Variants in GAB2 observed in about 807,000 individuals in gnomAD.
GAB2 encodes GRB2 associated binding protein 2.
A neutral mutation model predicts 65.5 loss-of-function variants in GAB2; 26 were observed. The ratio of observed to expected loss-of-function variants is 0.40; its 90% CI spans 0.29 to 0.55. The LOEUF is 0.55. Among genes scored for constraint, GAB2 ranks in the 20% least tolerant of loss-of-function variants. The pLI is 0.53. For missense variants in GAB2, 884 were observed against 875.8 expected, an observed-to-expected ratio of 1.01 and a Z score of -0.12; for synonymous variants, 321 against 329.6, an observed-to-expected ratio of 0.97 and a Z score of 0.28.
At chr11:78,323,657 G>C (rs1855767941) in intron 1 of GAB2, among the ~76,000 whole-genome samples, 1 of 151,828 alleles carries the variant, frequency 6.6e-6, no homozygotes, top group Non-Finnish European at 1.5e-5. Context: ...GAGGGAGGAG[G>C]GGGGTAAGGT....
intron 1 of GAB2, among the ~76,000 whole-genome samples, chr11:78,328,083 T>C (rs1317164008): frequency 6.6e-6 from 1 of 152,150 alleles, no homozygotes; most frequent in Non-Finnish European, 1.5e-5. Flanking sequence ...GACAAAGCCC[T>C]ATTACCCTCA....
chr11:78,395,933 C>G (rs1027720429), intron 1 of GAB2, among the ~76,000 whole-genome samples: 1 of 152,178 alleles, frequency 6.6e-6, no homozygotes, highest in African/African-American at 2.4e-5. Flanking sequence ...TAGGGATCTG[C>G]AAAGCCAGTA....
At chr11:78,255,632 T>C (rs1865576113) in intron 2 of GAB2, among the ~76,000 whole-genome samples, 1 of 152,182 alleles carries the variant, frequency 6.6e-6, no homozygotes, top group Non-Finnish European at 1.5e-5. Flanking sequence ...TCCACATCAG[T>C]TGGAGGCAAG....
intron 1 of GAB2, among the ~76,000 whole-genome samples, chr11:78,399,573 G>A (rs1421769270): frequency 6.6e-6 from 1 of 152,178 alleles, no homozygotes; most frequent in African/African-American, 2.4e-5. Context: ...TCCTTGAGCT[G>A]TTCCTTTCAG....
At chr11:78,271,114 T>C (rs1865998802) in intron 2 of GAB2, among the ~76,000 whole-genome samples, 1 of 152,260 alleles carries the variant, frequency 6.6e-6, no homozygotes, top group African/African-American at 2.4e-5. Context: ...GGTTGACTCC[T>C]GAGCACATGA....
At chr11:78,274,841 G>A (rs1866123123) in intron 2 of GAB2, among the ~76,000 whole-genome samples, 1 of 152,140 alleles carries the variant, frequency 6.6e-6, no homozygotes, top group Admixed American at 6.5e-5. Flanking sequence ...GCCTGTTTCT[G>A]GCAGATGCTT....
intron 1 of GAB2, among the ~76,000 whole-genome samples, chr11:78,291,555 C>CTTTTTTTTTTTTTTTTTTTTTTT (rs796161663): frequency 1.8e-5 from 1 of 55,058 alleles, no homozygotes. Context: ...TTACTTTTTT[C>CTTTTTTTTTTTTTTTTTTTTTTT]TTTTTCTTTT....
At chr11:78,331,911 A>G (rs1476815300) in intron 1 of GAB2, among the ~76,000 whole-genome samples, 1 of 152,114 alleles carries the variant, frequency 6.6e-6, no homozygotes, top group Non-Finnish European at 1.5e-5. Context: ...TCGTAAATGA[A>G]AGTGTCCATT....
chr11:78,264,270 G>A (rs1333324511), intron 2 of GAB2, among the ~76,000 whole-genome samples: 1 of 151,544 alleles, frequency 6.6e-6, no homozygotes, highest in African/African-American at 2.4e-5. Flanking sequence ...TCCATATTCT[G>A]GGTCTTCTTT....
At position 78,409,524 on chromosome 11, in the gene GAB2, C is replaced by T. The variant is rs143635565; in HGVS notation, c.75+8122G>A. On this transcript the variant is annotated intron_variant, in intron 1 of 9. Coordinates refer to ENST00000361507, the MANE Select transcript of GAB2 (RefSeq NM_080491.3). ...GCTTGCACCCAGGAGGTGGAGGTTG[C>T]GGAGAGCTGAGATCATGCTATTGCA... 8.3e-3 allele frequency among the ~76,000 whole-genome samples: 1,270 copies of T among 152,148 alleles called. 14 individuals carry two copies. The highest frequency in any genetic ancestry group is 0.029 in the African/African-American group (1,196 of 41,496).
chr11:78,300,054 A>G (rs142975014), intron 1 of GAB2, among the ~76,000 whole-genome samples: 122 of 152,250 alleles, frequency 8.0e-4, no homozygotes, highest in African/African-American at 2.9e-3. Flanking sequence ...CCACCACTTC[A>G]ATCAAGACAC....
intron 8 of GAB2, among the ~76,000 whole-genome samples, chr11:78,221,097 C>T (rs865788298): frequency 6.6e-6 from 1 of 152,190 alleles, no homozygotes; most frequent in Admixed American, 6.5e-5. Flanking sequence ...AGCAGAGCAC[C>T]ACCTCCTCTA....
chr11:78,274,686 C>T (rs1291984372), intron 2 of GAB2, among the ~76,000 whole-genome samples: 2 of 152,162 alleles, frequency 1.3e-5, no homozygotes, highest in Non-Finnish European at 2.9e-5. Context: ...GATTAAAGCC[C>T]TTGAAATTAC....
chr11:78,267,619 G>A (rs1190635447), intron 2 of GAB2, among the ~76,000 whole-genome samples: 1 of 152,014 alleles, frequency 6.6e-6, no homozygotes, highest in Non-Finnish European at 1.5e-5. Context: ...AGCACTTTGG[G>A]AGGTCGAGGC....
intron 1 of GAB2, among the ~76,000 whole-genome samples, chr11:78,381,838 A>T: frequency 6.6e-6 from 1 of 152,272 alleles, no homozygotes; most frequent in Non-Finnish European, 1.5e-5. Context: ...AGAGAACCAG[A>T]GGTGGCTGTA....
intron 1 of GAB2, among the ~76,000 whole-genome samples, chr11:78,359,633 C>T (rs1342654579): frequency 1.3e-5 from 2 of 152,092 alleles, no homozygotes; most frequent in African/African-American, 2.4e-5. Context: ...AAGACGAGCA[C>T]AGATATTGAT....
At chr11:78,378,876 T>C (rs1369409547) in intron 1 of GAB2, among the ~76,000 whole-genome samples, 4 of 152,170 alleles carry the variant, frequency 2.6e-5, no homozygotes, top group Non-Finnish European at 4.4e-5. Context: ...ACTCAGACTA[T>C]ACCTGCTTAG....
chr11:78,356,707 T>C lies in GAB2; in HGVS notation c.75+60939A>G, dbSNP rs551455728. ...AGTCATGCTGTCAAGAAGTAAGGAA[T>C]CTGTAGAGAACAAAAGTTAAATGAA... On this transcript the variant is annotated intron_variant, in intron 1 of 9. Transcript: ENST00000361507. Among the ~76,000 whole-genome samples, 18 of 152,328 alleles carry C rather than the reference T, an allele frequency of 1.2e-4. No individual in the cohort carries two copies. The East Asian group carries it at 3.1e-3, about 26-fold the overall frequency.
In GAB2 at chr11:78,355,546, G is replaced by A. The variant is rs114150747; in HGVS notation, c.75+62100C>T. ...CCAAGCTCAGGCGGGGCATGATGGC[G>A]CATGCCTGTAATCCCAGTGCTTTAA... On this transcript the variant is annotated intron_variant, in intron 1 of 9. Transcript: ENST00000361507. 6.6e-3 allele frequency among the ~76,000 whole-genome samples: 1,009 copies of A among 152,088 alleles called. 13 individuals carry two copies. The highest frequency in any genetic ancestry group is 0.023 in the African/African-American group (959 of 41,488).
Sources: allele counts gnomAD v4.1 joint callset (sites outside exome capture counted in the v4.1 genomes callset), GRCh38; gene constraint gnomAD v4.1.1; transcripts MANE v1.5; gene names NCBI Gene and HGNC (gene_info 2026-07-23, HGNC 2026-07-21).